PALLD: variants seen among roughly 807,000 people sequenced by gnomAD.
PALLD encodes the protein palladin.
In PALLD, 61 loss-of-function variants were observed where a neutral mutation model predicts 123.5. The ratio of observed to expected loss-of-function variants is 0.49; its 90% confidence interval spans 0.40 to 0.61. The LOEUF (loss-of-function observed/expected upper bound fraction) is 0.61. Ranked by LOEUF, PALLD falls within the 20% of genes least tolerant of loss-of-function variation. The probability of loss-of-function intolerance (pLI) is 0.00; values close to 1 mark genes in which losing one functional copy is unlikely to be tolerated. For synonymous variants in PALLD, 465 were observed against 496.4 expected (o/e 0.94, Z 0.84); for missense variants, 1,273 against 1,377.0 (o/e 0.92, Z 1.20).
intron 2 of PALLD, among the ~76,000 whole-genome samples, chr4:168,650,835 G>A (rs562596405): frequency 6.6e-6 from 1 of 151,894 alleles, no homozygotes; most frequent in African/African-American, 2.4e-5. Context: ...CATATCATAT[G>A]TGTATAACAG....
At chr4:168,643,966 G>A (rs1777197640) in intron 2 of PALLD, among the ~76,000 whole-genome samples, 1 of 152,088 alleles carries the variant, frequency 6.6e-6, no homozygotes, top group South Asian at 2.1e-4. Flanking sequence ...TGCTGACTCC[G>A]GAACTCATGC....
chr4:168,924,464 TA>T, intron 19 of PALLD, 44 bp downstream of exon 19: 1 of 1,511,412 alleles, frequency 6.6e-7, no homozygotes. Context: ...TGTTCAGTCC[TA>T]ATGATGTATC....
At chr4:168,673,888 CTGTGTGTGTG>C in intron 3 of PALLD, among the ~76,000 whole-genome samples, 1 of 146,384 alleles carries the variant, frequency 6.8e-6, no homozygotes, top group Middle Eastern at 3.5e-3. Flanking sequence ...TTTGAACGTG[CTGTGTGTGTG>C]TGTGTGTGTG....
chr4:168,759,050 G>T (rs1208306652), intron 10 of PALLD, among the ~76,000 whole-genome samples: 1 of 150,674 alleles, frequency 6.6e-6, no homozygotes, highest in Non-Finnish European at 1.5e-5. Context: ...GTGATAGCAG[G>T]TACCTGTAAT....
rs150570110 is a variant in PALLD, at chr4:168,871,234, G to C, written c.1965-19688G>C. On this transcript the variant is annotated intron_variant, in intron 10 of 21. Transcript: ENST00000505667. ...CAAGGGATGGCACCAGCCATTGTGT[G>C]ATGAATGAAAATGAAAAGTTGGGGA... 4.6e-3 allele frequency among the ~76,000 whole-genome samples: 694 copies of C among 152,256 alleles called. 9 individuals are homozygous for C. Among genetic ancestry groups the C allele is most frequent in the Non-Finnish European group, 1.5e-3 (102 of 68,012 alleles).
At chr4:168,539,593 A>C (rs201652058) in intron 2 of PALLD, among the ~76,000 whole-genome samples, 8,574 of 150,804 alleles carry the variant, frequency 0.057, 302 homozygotes, top group South Asian at 0.16. Context: ...ATAAATAAAT[A>C]AATAAATAAA....
intron 2 of PALLD, among the ~76,000 whole-genome samples, chr4:168,524,786 G>A (rs1162176052): frequency 6.6e-6 from 1 of 152,070 alleles, no homozygotes; most frequent in African/African-American, 2.4e-5. Context: ...AAAGAAAAGA[G>A]CCATGATTGA....
intron 2 of PALLD, among the ~76,000 whole-genome samples, chr4:168,526,518 C>A (rs943042943): frequency 6.6e-6 from 1 of 151,748 alleles, no homozygotes; most frequent in African/African-American, 2.4e-5. Flanking sequence ...TTTCACTCCC[C>A]ATATTTAGTG....
intron 3 of PALLD, among the ~76,000 whole-genome samples, chr4:168,668,776 C>T (rs1779898883): frequency 6.6e-6 from 1 of 152,156 alleles, no homozygotes; most frequent in Admixed American, 6.5e-5. Flanking sequence ...CTCATTTTTA[C>T]TAAATTCTAG....
intron 2 of PALLD, 103 bp from the exon 3 acceptor site, chr4:168,668,087 C>T (rs1779829574): frequency 1.1e-6 from 1 of 890,308 alleles, no homozygotes; most frequent in South Asian, 1.4e-5. Context: ...ATCAAACAAA[C>T]ATCATTTTGC....
chr4:168,757,068 G>A (rs143989726), intron 10 of PALLD, among the ~76,000 whole-genome samples: 178 of 152,302 alleles, frequency 1.2e-3, no homozygotes, highest in African/African-American at 4.0e-3. Flanking sequence ...TGGACAAGAC[G>A]AGGTCCTGGT....
intron 2 of PALLD, among the ~76,000 whole-genome samples, chr4:168,571,035 T>C (rs1768926008): frequency 6.6e-6 from 1 of 152,176 alleles, no homozygotes. Context: ...GCTTATTTCT[T>C]TGGCTCTCTT....
In PALLD at chr4:168,592,365, G is replaced by T. The variant is rs548554956; in HGVS notation, c.909-75825G>T. 4.7e-4 allele frequency among the ~76,000 whole-genome samples: 71 copies of T among 152,142 alleles called. 1 individual carries two copies. The highest frequency in any genetic ancestry group is 2.0e-3 in the Admixed American group (31 of 15,284). On this transcript the variant is annotated intron_variant, in intron 2 of 21. Coordinates refer to ENST00000505667, the MANE Select transcript of PALLD (RefSeq NM_001166108.2). ...GAGCTTGAAGGGGTCATGAGGAAGA[G>T]TCCCAACTATATCATAGAACATGTC...
chr4:168,678,522 A>G (rs978262225), intron 3 of PALLD, among the ~76,000 whole-genome samples: 3 of 152,178 alleles, frequency 2.0e-5, no homozygotes, highest in African/African-American at 7.2e-5. Context: ...TATCAAGAAA[A>G]GATGGATAGG....
At chr4:168,813,412 A>G (rs1330093431) in intron 10 of PALLD, among the ~76,000 whole-genome samples, 1 of 152,042 alleles carries the variant, frequency 6.6e-6, no homozygotes, top group Non-Finnish European at 1.5e-5. Context: ...CAGTTACAGA[A>G]CAACAACAAC....
intron 10 of PALLD, among the ~76,000 whole-genome samples, chr4:168,730,810 T>C (rs779046765): frequency 6.6e-6 from 1 of 152,140 alleles, no homozygotes; most frequent in Non-Finnish European, 1.5e-5. Flanking sequence ...GCTTTTATCA[T>C]TTAGTAGACA....
rs10672786 is a variant in PALLD, at chr4:168,592,018, A to ATTTTTT, written c.909-76161_909-76156dup. ...TCGGCTACTCTTAGTACTATTATGG[A>ATTTTTT]TTTTTTTTTTTTTTTTGAGATGGAG... is the stretch of plus-strand genomic sequence containing the variant. On this transcript the variant is annotated intron_variant, in intron 2 of 21. Coordinates refer to ENST00000505667, the MANE Select transcript of PALLD (RefSeq NM_001166108.2). 5.8e-4 allele frequency among the ~76,000 whole-genome samples: 81 copies of ATTTTTT among 138,960 alleles called. 1 individual carries two copies. Among genetic ancestry groups the ATTTTTT allele is most frequent in the East Asian group, 3.4e-3 (16 of 4,760 alleles). 91.2% of individuals were successfully genotyped at this position (138,960 alleles called of 152,430 possible). A position where few individuals can be genotyped will look rare whatever the true frequency, so the allele number is the denominator to read the frequency against.
At chr4:168,679,376 GTGT>G (rs1781287457) in intron 3 of PALLD, among the ~76,000 whole-genome samples, 1 of 126,916 alleles carries the variant, frequency 7.9e-6, no homozygotes, top group Non-Finnish European at 1.7e-5. Flanking sequence ...ATGTGTGTGG[GTGT>G]GTGTGTGTGT....
chr4:168,590,872 T>G (rs1010770106), intron 2 of PALLD, among the ~76,000 whole-genome samples: 28 of 133,614 alleles, frequency 2.1e-4, no homozygotes, highest in African/African-American at 5.2e-4. Flanking sequence ...AAGTTTTTTT[T>G]TTTTTTTTTT....
Sources: gnomAD v4.1 joint callset for allele counts (sites outside exome capture counted in the v4.1 genomes callset) on GRCh38, gnomAD v4.1.1 for gene constraint, MANE v1.5 for transcripts, NCBI Gene and HGNC (gene_info 2026-07-23, HGNC 2026-07-21) for gene names.